The following HBEGF variants were observed in gnomAD, a reference collection of about 807,000 sequenced individuals.
HBEGF encodes proheparin-binding EGF-like growth factor.
HBEGF carries 8 observed loss-of-function variants against 19.5 expected under a neutral mutation model. That is an observed-to-expected ratio of 0.41 (90% CI 0.24 to 0.74). The LOEUF (loss-of-function observed/expected upper bound fraction) is 0.74. Among genes scored for constraint, HBEGF ranks in the 30% least tolerant of loss-of-function variants. HBEGF has a pLI of 0.32. For missense variants in HBEGF, 207 were observed against 256.9 expected (o/e 0.81, Z 1.33); for synonymous variants, 97 against 108.9 (o/e 0.89, Z 0.68).
intron 3 of HBEGF, among the ~76,000 whole-genome samples, chr5:140,337,730 C>T (rs1561539952): frequency 6.6e-6 from 1 of 152,154 alleles, no homozygotes; most frequent in East Asian, 1.9e-4. Context: ...GTAGGTCAGG[C>T]CCACTATACG....
rs1766392777 is a variant in HBEGF at position 140,345,966 on chromosome 5, G to C, written c.165C>G (p.Gly55=). ...VSTDQLLPLG[G]GRDRKVRDLQ... ...AGTCACGGACTTTCCGGTCCCGGCC[G>C]CCTCCTAGGGGTAGCAGCTGGTCCG... is the stretch of plus-strand genomic sequence containing the variant. Residue 55 remains glycine, a synonymous_variant, in exon 2 of 6, where the codon GGC becomes GGG. Coordinates refer to ENST00000230990, the MANE Select transcript of HBEGF (RefSeq NM_001945.3). 14 of 1,614,166 alleles carry C rather than the reference G, an allele frequency of 8.7e-6. No homozygotes were observed. The Admixed American group carries it at 2.0e-4, about 23-fold the overall frequency.
rs1361066999 is a variant in HBEGF at position 140,345,969 on chromosome 5, T to C, written c.162A>G (p.Gly54=). Residue 54 remains glycine (G), a synonymous_variant, in exon 2 of 6, where the codon GGA becomes GGG. Transcript: ENST00000230990. ...CACGGACTTTCCGGTCCCGGCCGCC[T>C]CCTAGGGGTAGCAGCTGGTCCGTGG... ...TVSTDQLLPL[G]GGRDRKVRDL... is the part of the protein sequence containing the mutation. The C allele has an allele frequency of 6.2e-7, 1 of 1,614,036 alleles. No homozygotes were observed.
intron 3 of HBEGF, among the ~76,000 whole-genome samples, chr5:140,340,601 A>T (rs1267612895): frequency 6.6e-6 from 1 of 150,512 alleles, no homozygotes; most frequent in Non-Finnish European, 1.5e-5. Flanking sequence ...AAAAAAAAAA[A>T]AAAAGAAAGA....
At chr5:140,334,603 G>A (rs1766199354) in intron 5 of HBEGF, 55 bp downstream of exon 5, 2 of 1,235,998 alleles carry the variant, frequency 1.6e-6, no homozygotes, top group Admixed American at 3.4e-5. Flanking sequence ...CTGAAGCACA[G>A]CCAGGAAAGG....
chr5:140,333,761 A>C lies in HBEGF; in HGVS notation c.*538T>G, dbSNP rs980335435. 2 of 152,680 alleles carry C rather than the reference A, an allele frequency of 1.3e-5. No individual in the cohort carries two copies. The highest frequency in any genetic ancestry group is 2.9e-5 in the Non-Finnish European group (2 of 68,054). The allele number at this position is 152,680 out of a possible 1,614,324, so 9.5% of individuals were successfully genotyped here. ...AGTTGTTATTTTTCCATCTGGGTAGAAGTCCCAAAATTCAGTTCTCAGGCT... is the reference window on the plus strand; with the variant it reads ...AGTTGTTATTTTTCCATCTGGGTAGCAGTCCCAAAATTCAGTTCTCAGGCT... On this transcript the variant is annotated 3_prime_UTR_variant, in exon 6 of 6. Coordinates refer to ENST00000230990, the MANE Select transcript of HBEGF (RefSeq NM_001945.3).
chr5:140,341,825 G>A (rs1409163490), intron 3 of HBEGF, among the ~76,000 whole-genome samples: 4 of 152,194 alleles, frequency 2.6e-5, no homozygotes, highest in African/African-American at 9.6e-5. Context: ...CATTATGCCT[G>A]CCAGAGAGCA....
rs779450085 is a variant in HBEGF, at chr5:140,342,794, G to A, written c.239C>T (p.Pro80Leu). 1.2e-6 allele frequency: 2 copies of A among 1,614,184 alleles called. No homozygotes were observed. Among genetic ancestry groups the A allele is most frequent in the Non-Finnish European group, 1.7e-6 (2 of 1,180,024 alleles). The change falls in exon 3 of 6, where the codon CCA becomes CTA. Residue 80 changes from proline to leucine, a missense_variant. Physicochemically the swap from Pro to Leu is moderately conservative, Grantham distance 98 (BLOSUM62 -3). This residue lies in a region of HBEGF where 127 missense variants were observed against 132.7 expected (regional missense o/e 0.96). Transcript: ENST00000230990. ...CTTGTTTGGTGTGGCCAGTGCTTGT[G>A]GCTTGGAGGATAAAGTGACTGTAGG... is the stretch of plus-strand genomic sequence containing the variant. ...DLLRVTLSSK[P>L]QALATPNKEE...
chr5:140,346,596 G>T lies in HBEGF; in HGVS notation c.-268C>A, dbSNP rs1360501741. 1.2e-5 allele frequency: 6 copies of T among 506,292 alleles called. No individual in the cohort carries two copies. The East Asian group carries it at 1.7e-4, about 15-fold the overall frequency. 31.4% of individuals were successfully genotyped at this position (506,292 alleles called of 1,614,324 possible). On this transcript the variant is annotated 5_prime_UTR_variant, in exon 1 of 6. Coordinates refer to ENST00000230990, the MANE Select transcript of HBEGF (RefSeq NM_001945.3). The surrounding 1 kb of genome is among the most constrained non-coding windows in gnomAD (Gnocchi z 6.1). ...GCAGCGTGGCCCGCGTAGCTCCTTC[G>T]GCCGAATGAGCGCTGCCCGGCTCGC...
Position 140,346,468 on chromosome 5 carries a change from G to T in HBEGF, c.-140C>A. ...GCCGCCCGCCTCTGCGTGCAAGCCT[G>T]GCCGGGACCCAGGCGCAGCTCGCTC... is the stretch of plus-strand genomic sequence containing the variant. On this transcript the variant is annotated 5_prime_UTR_variant, in exon 1 of 6. Transcript: ENST00000230990. The surrounding 1 kb of genome is among the most constrained non-coding windows in gnomAD (Gnocchi z 6.1). 1 of 907,736 alleles carries T rather than the reference G, an allele frequency of 1.1e-6. No homozygotes were observed. Among genetic ancestry groups the T allele is most frequent in the Non-Finnish European group, 1.7e-6 (1 of 587,606 alleles). The allele number at this position is 907,736 out of a possible 1,614,324, so 56.2% of individuals were successfully genotyped here. A position where few individuals can be genotyped will look rare whatever the true frequency, so the allele number is the denominator to read the frequency against.
At position 140,335,930 on chromosome 5, in the gene HBEGF, C is replaced by T; in HGVS notation, c.496G>A (p.Val166Met). The T allele has an allele frequency of 1.2e-6, 2 of 1,614,154 alleles. No individual in the cohort carries two copies. The highest frequency in any genetic ancestry group is 1.7e-6 in the Non-Finnish European group (2 of 1,180,036). Residue 166 changes from valine to methionine, a missense_variant, in exon 4 of 6, where the codon GTG becomes ATG. Physicochemically the swap from Val to Met is conservative, Grantham distance 21. Around this residue, in one of 3 missense-constraint regions of HBEGF, gnomAD observed 77 missense variants for 106.9 expected, o/e 0.72. Coordinates refer to ENST00000230990, the MANE Select transcript of HBEGF (RefSeq NM_001945.3). ...CAGACAGATGACAGCACCACAGCCA[C>T]CACGGCCAGGATGGTTGTGTGGTCA... is the stretch of plus-strand genomic sequence containing the variant. ...TYDHTTILAV[V>M]AVVLSSVCLL... is the part of the protein sequence containing the mutation.
In HBEGF at chr5:140,333,117, C is replaced by T. The variant is rs1766177786; in HGVS notation, c.*1182G>A. ...GCCTTTTGCTTTGCTAATACCTTCT[C>T]CAGACTGTCCTCTGCTGCACTGACC... On this transcript the variant is annotated 3_prime_UTR_variant, in exon 6 of 6. Transcript: ENST00000230990. The T allele has an allele frequency of 6.5e-6, 1 of 152,692 alleles. No individual in the cohort carries two copies. The highest frequency in any genetic ancestry group is 6.5e-5 in the Admixed American group (1 of 15,286). The allele number at this position is 152,692 out of a possible 1,614,324, so 9.5% of individuals were successfully genotyped here.
At position 140,333,890 on chromosome 5, in the gene HBEGF, C is replaced by T. The variant is rs1377518975; in HGVS notation, c.*409G>A. 6.6e-6 allele frequency: 1 copy of T among 152,464 alleles called. No individual in the cohort carries two copies. The highest frequency in any genetic ancestry group is 1.9e-4 in the East Asian group (1 of 5,192). The allele number at this position is 152,464 out of a possible 1,614,324, so 9.4% of individuals were successfully genotyped here. A position where few individuals can be genotyped will look rare whatever the true frequency, so the allele number is the denominator to read the frequency against. On this transcript the variant is annotated 3_prime_UTR_variant, in exon 6 of 6. Coordinates refer to ENST00000230990, the MANE Select transcript of HBEGF (RefSeq NM_001945.3). ...ATGGCTTCTCAATCTTTGTTGCTTT[C>T]TTCCAGTTCACAAATCTTTCCTTCT...
rs1766397765 is a variant in HBEGF, at chr5:140,346,213, A to G, written c.46+70T>C. On this transcript the variant is annotated intron_variant, in intron 1 of 5. Transcript: ENST00000230990. The surrounding 1 kb of genome is among the most constrained non-coding windows in gnomAD (Gnocchi z 6.1). ...GGCCCGTGCCGGGTGCGCTGCGGCG[A>G]CCTTCCCCCATGCCCCCAGCACAAC... The G allele has an allele frequency of 6.4e-7, 1 of 1,558,326 alleles. No individual in the cohort carries two copies. The highest frequency in any genetic ancestry group is 8.7e-7 in the Non-Finnish European group (1 of 1,152,384).
At chr5:140,345,229 T>C (rs1766377544) in intron 2 of HBEGF, among the ~76,000 whole-genome samples, 1 of 152,230 alleles carries the variant, frequency 6.6e-6, no homozygotes, top group South Asian at 2.1e-4. Context: ...GTACCTGTAC[T>C]TGGCCACAGC....
chr5:140,337,749 A>G (rs1012866197), intron 3 of HBEGF, among the ~76,000 whole-genome samples: 1 of 152,174 alleles, frequency 6.6e-6, no homozygotes, highest in East Asian at 1.9e-4. Context: ...CGTATAGCAC[A>G]GTCCACAGTT....
At position 140,346,432 on chromosome 5, in the gene HBEGF, G is replaced by A. The variant is rs572221967; in HGVS notation, c.-104C>T. 37 of 1,303,536 alleles carry A rather than the reference G, an allele frequency of 2.8e-5. No homozygotes were observed. The South Asian group carries it at 4.2e-4, about 15-fold the overall frequency. 80.7% of individuals were successfully genotyped at this position (1,303,536 alleles called of 1,614,324 possible). ...GCGGCGGAGCTCAGGAGATTCCGCC[G>A]GGCACCGTCTGCCGCCCGCCTCTGC... On this transcript the variant is annotated 5_prime_UTR_variant, in exon 1 of 6. Transcript: ENST00000230990. The surrounding 1 kb of genome is among the most constrained non-coding windows in gnomAD (Gnocchi z 6.1).
chr5:140,341,354 C>A (rs1338026951), intron 3 of HBEGF, among the ~76,000 whole-genome samples: 1 of 152,210 alleles, frequency 6.6e-6, no homozygotes, highest in East Asian at 1.9e-4. Context: ...CCTTCTTCAC[C>A]CTGTACTAAT....
At position 140,346,514 on chromosome 5, in the gene HBEGF, C is replaced by G; in HGVS notation, c.-186G>C. ...CGCTCTTCTTGAGTGTCTTGTCTTG[C>G]TCACTCAGCCCGCCCGCGCGGCCGC... On this transcript the variant is annotated 5_prime_UTR_variant, in exon 1 of 6. Transcript: ENST00000230990. The surrounding 1 kb of genome is among the most constrained non-coding windows in gnomAD (Gnocchi z 6.1). 1 of 665,842 alleles carries G rather than the reference C, an allele frequency of 1.5e-6. No individual in the cohort carries two copies. 41.2% of individuals were successfully genotyped at this position (665,842 alleles called of 1,614,324 possible). A position where few individuals can be genotyped will look rare whatever the true frequency, so the allele number is the denominator to read the frequency against.
intron 3 of HBEGF, among the ~76,000 whole-genome samples, chr5:140,340,019 GC>G (rs2126717825): frequency 6.6e-6 from 1 of 152,312 alleles, no homozygotes; most frequent in African/African-American, 2.4e-5. Flanking sequence ...GGAAGTGGTG[GC>G]CCACGCCTGT....
Sources: allele counts gnomAD v4.1 joint callset (sites outside exome capture counted in the v4.1 genomes callset), GRCh38; gene constraint gnomAD v4.1.1; regional missense constraint gnomAD v4.1.1; non-coding constraint Gnocchi (gnomAD v3.1); transcripts MANE v1.5; gene names NCBI Gene and HGNC (gene_info 2026-07-23, HGNC 2026-07-21).